PPP1R9A: variants seen among roughly 807,000 people sequenced by gnomAD.
PPP1R9A encodes the protein neurabin-1.
PPP1R9A carries 59 observed loss-of-function variants against 141.9 expected under a neutral mutation model. That is an observed-to-expected ratio of 0.42 (90% CI 0.34 to 0.52). The LOEUF is 0.52. Among genes scored for constraint, PPP1R9A ranks in the 20% least tolerant of loss-of-function variants. The probability of loss-of-function intolerance (pLI) is 0.10; values close to 1 mark genes in which losing one functional copy is unlikely to be tolerated. For missense variants in PPP1R9A, 1,444 were observed against 1,611.9 expected (o/e 0.90, Z 1.78); for synonymous variants, 500 against 569.7 (o/e 0.88, Z 1.74).
At chr7:95,242,558 C>T (rs188869967) in intron 8 of PPP1R9A, among the ~76,000 whole-genome samples, 15 of 151,924 alleles carry the variant, frequency 9.9e-5, no homozygotes, top group Non-Finnish European at 7.4e-5. Flanking sequence ...TTATATCGAT[C>T]CGGTAATATG....
intron 4 of PPP1R9A, among the ~76,000 whole-genome samples, chr7:95,136,075 C>T (rs1183371000): frequency 6.6e-6 from 1 of 152,006 alleles, no homozygotes; most frequent in Non-Finnish European, 1.5e-5. Flanking sequence ...CATTTGTAGT[C>T]ATTTGTCACT....
chr7:95,128,702 G>T (rs1584843476), intron 4 of PPP1R9A, among the ~76,000 whole-genome samples: 1 of 152,080 alleles, frequency 6.6e-6, no homozygotes, highest in Non-Finnish European at 1.5e-5. Context: ...TCAGCCTTCT[G>T]AGTAGCTGGA....
At chr7:95,138,847 A>G (rs1184966485) in intron 4 of PPP1R9A, among the ~76,000 whole-genome samples, 3 of 152,226 alleles carry the variant, frequency 2.0e-5, no homozygotes, top group Admixed American at 2.0e-4. Context: ...TGCTAACAAT[A>G]TAAAGTGCTG....
chr7:95,221,807 A>G (rs1794499600), intron 7 of PPP1R9A, among the ~76,000 whole-genome samples: 1 of 152,054 alleles, frequency 6.6e-6, no homozygotes, highest in Non-Finnish European at 1.5e-5. Flanking sequence ...AAGATGCTAC[A>G]GTAATTTCAT....
intron 2 of PPP1R9A, among the ~76,000 whole-genome samples, chr7:94,984,462 G>A (rs1481851837): frequency 1.3e-5 from 2 of 152,018 alleles, no homozygotes; most frequent in African/African-American, 2.4e-5. Flanking sequence ...ATCTGGTCTC[G>A]GAGTTTTTTT....
At chr7:95,010,987 G>A (rs1804339520) in intron 2 of PPP1R9A, among the ~76,000 whole-genome samples, 1 of 152,136 alleles carries the variant, frequency 6.6e-6, no homozygotes, top group South Asian at 2.1e-4. Flanking sequence ...CTGCCTGACA[G>A]AATGCAGTCT....
intron 12 of PPP1R9A, among the ~76,000 whole-genome samples, chr7:95,255,048 A>G (rs970243439): frequency 6.6e-6 from 1 of 151,964 alleles, no homozygotes; most frequent in Non-Finnish European, 1.5e-5. Flanking sequence ...GCCATAACAG[A>G]CCCCAAATCC....
chr7:94,999,290 G>A (rs867030389), intron 2 of PPP1R9A, among the ~76,000 whole-genome samples: 3 of 152,226 alleles, frequency 2.0e-5, no homozygotes, highest in Middle Eastern at 6.8e-3. Context: ...CTGAATCTAA[G>A]AGCTACAGTT....
chr7:95,273,176 A>G (rs1403935779), intron 14 of PPP1R9A, among the ~76,000 whole-genome samples: 1 of 152,142 alleles, frequency 6.6e-6, no homozygotes, highest in Non-Finnish European at 1.5e-5. Flanking sequence ...AGAGTCCTAG[A>G]GGCAAAGATC....
intron 2 of PPP1R9A, among the ~76,000 whole-genome samples, chr7:95,028,499 C>A (rs770124310): frequency 7.2e-5 from 11 of 151,994 alleles, no homozygotes; most frequent in Non-Finnish European, 4.4e-5. Context: ...ATATATTGTT[C>A]ATGTAATTGC....
At chr7:95,077,729 T>G (rs1815080432) in intron 2 of PPP1R9A, among the ~76,000 whole-genome samples, 1 of 152,132 alleles carries the variant, frequency 6.6e-6, no homozygotes, top group Admixed American at 6.6e-5. Flanking sequence ...GGATTCAGAT[T>G]TAAATAACAT....
At chr7:95,179,778 CAAAAAAA>C (rs61054939) in intron 5 of PPP1R9A, among the ~76,000 whole-genome samples, 4 of 97,004 alleles carry the variant, frequency 4.1e-5, no homozygotes. Context: ...ACAATAGCTG[CAAAAAAA>C]AAAAAAAAAA....
intron 18 of PPP1R9A, chr7:95,287,131 G>A (rs770620328): frequency 1.7e-5 from 27 of 1,613,118 alleles, no homozygotes; most frequent in East Asian, 4.5e-5. Flanking sequence ...GATAGATGAC[G>A]AGGTGAGCTA....
At chr7:95,217,389 T>G (rs1413304435) in intron 7 of PPP1R9A, among the ~76,000 whole-genome samples, 1 of 152,240 alleles carries the variant, frequency 6.6e-6, no homozygotes, top group Non-Finnish European at 1.5e-5. Context: ...ATTGAGGATA[T>G]TCACATCAAT....
intron 2 of PPP1R9A, among the ~76,000 whole-genome samples, chr7:95,070,760 A>G (rs1346307399): frequency 6.6e-6 from 1 of 151,484 alleles, no homozygotes; most frequent in Non-Finnish European, 1.5e-5. Flanking sequence ...TATGCTTTCA[A>G]TTTCCCCATT....
chr7:94,979,370 G>T (rs1439603911), intron 2 of PPP1R9A, among the ~76,000 whole-genome samples: 1 of 152,204 alleles, frequency 6.6e-6, no homozygotes, highest in East Asian at 1.9e-4. Context: ...GAGTGTAGCT[G>T]TTAATCAGTG....
chr7:95,024,276 T>C (rs1205184354), intron 2 of PPP1R9A, among the ~76,000 whole-genome samples: 1 of 152,178 alleles, frequency 6.6e-6, no homozygotes, highest in Admixed American at 6.5e-5. Context: ...GAGATTTCTG[T>C]AGATGTCTGT....
intron 2 of PPP1R9A, among the ~76,000 whole-genome samples, chr7:94,931,541 AT>A (rs1263489694): frequency 8.6e-5 from 13 of 151,724 alleles, no homozygotes; most frequent in African/African-American, 2.2e-4. Flanking sequence ...CCTTTTAGGG[AT>A]TTTTTTTCTG....
Position 95,212,495 on chromosome 7 carries a change from G to A in PPP1R9A, c.1956+8765G>A, listed in dbSNP as rs970364433. On this transcript the variant is annotated intron_variant, in intron 7 of 19. Coordinates refer to ENST00000433360, the MANE Select transcript of PPP1R9A (RefSeq NM_001166160.2). The stretch of plus-strand genomic sequence containing the variant: ...GTTACTAAAGGGAGCTTTCCTGAGG[G>A]ATAACTAATTTATTATTTGTATGAG... Among the ~76,000 whole-genome samples, 3 of 152,132 alleles carry A rather than the reference G, an allele frequency of 2.0e-5. No individual in the cohort carries two copies. In the South Asian group the frequency reaches 6.2e-4, roughly 32 times the overall value.
Sources: gnomAD v4.1 joint callset for allele counts (sites outside exome capture counted in the v4.1 genomes callset) on GRCh38, gnomAD v4.1.1 for gene constraint, MANE v1.5 for transcripts, NCBI Gene and HGNC (gene_info 2026-07-23, HGNC 2026-07-21) for gene names.